CLSTN2: variants seen among roughly 807,000 people sequenced by gnomAD.
The protein encoded by CLSTN2 is calsyntenin-2.
Under a neutral mutation model 101.2 loss-of-function variants are expected in CLSTN2, and 48 were observed. The ratio of observed to expected loss-of-function variants is 0.47; its 90% CI spans 0.38 to 0.60. The LOEUF (loss-of-function observed/expected upper bound fraction) is 0.60, where lower values mean the gene tolerates loss of function less well. CLSTN2 is among the 20% of genes least tolerant of loss of function. The pLI is 0.00. For missense variants in CLSTN2, 1,160 were observed against 1,238.2 expected (o/e 0.94, Z 0.95); for synonymous variants, 481 against 463.6 (o/e 1.04, Z -0.48).
chr3:140,173,069 CCA>C (rs1442892062), intron 1 of CLSTN2, among the ~76,000 whole-genome samples: 1 of 152,172 alleles, frequency 6.6e-6, no homozygotes, highest in Non-Finnish European at 1.5e-5. Flanking sequence ...AATCAAAAGT[CCA>C]CAGTCTAAAG....
intron 1 of CLSTN2, among the ~76,000 whole-genome samples, chr3:140,076,241 A>G (rs1020329762): frequency 3.3e-5 from 5 of 151,968 alleles, no homozygotes; most frequent in African/African-American, 1.2e-4. Flanking sequence ...CAGGATTTTC[A>G]CCTTTTTAAA....
intron 1 of CLSTN2, among the ~76,000 whole-genome samples, chr3:140,123,803 C>CATATAT (rs150523094): frequency 6.9e-5 from 10 of 145,024 alleles, no homozygotes; most frequent in African/African-American, 2.3e-4. Context: ...GAGATGGAGA[C>CATATAT]ATATATATAT....
At chr3:140,349,019 G>T (rs966826482) in intron 2 of CLSTN2, among the ~76,000 whole-genome samples, 8 of 152,200 alleles carry the variant, frequency 5.3e-5, no homozygotes, top group East Asian at 1.9e-4. Context: ...CCCACATGTT[G>T]CAAGAAAAAT....
intron 2 of CLSTN2, among the ~76,000 whole-genome samples, chr3:140,182,796 C>A (rs1231506108): frequency 6.6e-6 from 1 of 152,176 alleles, no homozygotes; most frequent in Non-Finnish European, 1.5e-5. Flanking sequence ...TGCCCCAGTT[C>A]TGTCCATGGC....
intron 1 of CLSTN2, among the ~76,000 whole-genome samples, chr3:140,037,437 G>C (rs2007675446): frequency 6.6e-6 from 1 of 151,882 alleles, no homozygotes; most frequent in African/African-American, 2.4e-5. Context: ...TGGAGATTAA[G>C]CACAAACTAG....
chr3:140,328,988 G>A (rs2087356597), intron 2 of CLSTN2, among the ~76,000 whole-genome samples: 1 of 152,138 alleles, frequency 6.6e-6, no homozygotes, highest in African/African-American at 2.4e-5. Flanking sequence ...TGTAGTCTTG[G>A]TTTCTCTATC....
At chr3:140,052,609 C>G (rs893104856) in intron 1 of CLSTN2, among the ~76,000 whole-genome samples, 1 of 152,162 alleles carries the variant, frequency 6.6e-6, no homozygotes, top group Non-Finnish European at 1.5e-5. Flanking sequence ...TTATTTGTAA[C>G]CAGCTGTGTC....
chr3:140,523,128 C>T (rs899920931), intron 8 of CLSTN2, among the ~76,000 whole-genome samples: 1 of 151,776 alleles, frequency 6.6e-6, no homozygotes, highest in African/African-American at 2.4e-5. Context: ...GGACTTGATG[C>T]CCATGCACAG....
intron 2 of CLSTN2, among the ~76,000 whole-genome samples, chr3:140,241,806 TATACACATATATATATATACAC>T (rs1456585958): frequency 1.4e-5 from 2 of 146,552 alleles, no homozygotes; most frequent in East Asian, 2.0e-4. Context: ...TATATATATA[TATACACATATATATATATACAC>T]ACACATATAT....
chr3:140,404,613 G>A lies in CLSTN2; in HGVS notation c.484G>A (p.Glu162Lys). The change falls in exon 4 of 17, where the codon GAG becomes AAG. Residue 162 changes from glutamate to lysine, a missense_variant. Coordinates refer to ENST00000458420, the MANE Select transcript of CLSTN2 (RefSeq NM_022131.3). The part of the protein sequence containing the change: ...DVNEFAPTFK[E>K]PAYKAVVTEG... The stretch of plus-strand genomic sequence containing the variant: ...CAACGAGTTTGCTCCCACCTTCAAA[G>A]AGCCAGCCTACAAGGCTGTTGTGAC... 6.2e-7 allele frequency: 1 copy of A among 1,614,208 alleles called. No homozygotes were observed.
chr3:140,184,075 T>A (rs2010450676), intron 2 of CLSTN2, among the ~76,000 whole-genome samples: 1 of 152,148 alleles, frequency 6.6e-6, no homozygotes, highest in Non-Finnish European at 1.5e-5. Context: ...TGTTTATGTC[T>A]CCACCGGCTG....
chr3:140,155,842 G>T (rs938697636), intron 1 of CLSTN2, among the ~76,000 whole-genome samples: 1 of 152,204 alleles, frequency 6.6e-6, no homozygotes, highest in African/African-American at 2.4e-5. Flanking sequence ...AGACAGTCAT[G>T]ACAATTCAGT....
intron 5 of CLSTN2, among the ~76,000 whole-genome samples, chr3:140,423,816 T>C (rs2107992979): frequency 6.6e-6 from 1 of 152,276 alleles, no homozygotes; most frequent in Admixed American, 6.5e-5. Context: ...TTTTCCCCTC[T>C]CTCCCTTACG....
chr3:140,557,125 A>T (rs1935813813), intron 11 of CLSTN2: 1 of 154,406 alleles, frequency 6.5e-6, no homozygotes, highest in Non-Finnish European at 1.4e-5. Flanking sequence ...GTTTCCAAGG[A>T]TCAGAATTAA....
intron 2 of CLSTN2, among the ~76,000 whole-genome samples, chr3:140,190,077 A>T (rs980677779): frequency 9.9e-5 from 15 of 152,178 alleles, no homozygotes; most frequent in Admixed American, 3.9e-4. Context: ...GGCCTGTTTT[A>T]TAAGGGACCT....
chr3:140,226,885 G>C (rs982304696), intron 2 of CLSTN2, among the ~76,000 whole-genome samples: 3 of 152,136 alleles, frequency 2.0e-5, no homozygotes, highest in Non-Finnish European at 4.4e-5. Flanking sequence ...GATTTTGTGA[G>C]ACTCTTTCAC....
intron 9 of CLSTN2, among the ~76,000 whole-genome samples, chr3:140,534,769 A>G (rs1935328609): frequency 6.6e-6 from 1 of 152,206 alleles, no homozygotes; most frequent in Non-Finnish European, 1.5e-5. Context: ...AGGGCAAGAA[A>G]GTGAAATCTA....
chr3:140,021,649 G>T (rs999803039), intron 1 of CLSTN2, among the ~76,000 whole-genome samples: 1 of 152,064 alleles, frequency 6.6e-6, no homozygotes, highest in African/African-American at 2.4e-5. Flanking sequence ...GACCACTCTG[G>T]GATGATGAGG....
At chr3:139,957,287 C>T (rs577572023) in intron 1 of CLSTN2, among the ~76,000 whole-genome samples, 1 of 152,130 alleles carries the variant, frequency 6.6e-6, no homozygotes, top group Non-Finnish European at 1.5e-5. Flanking sequence ...GCACCACTTA[C>T]TCTCCCAGCA....
Sources: allele counts gnomAD v4.1 joint callset (sites outside exome capture counted in the v4.1 genomes callset), GRCh38; gene constraint gnomAD v4.1.1; transcripts MANE v1.5; gene names NCBI Gene and HGNC (gene_info 2026-07-23, HGNC 2026-07-21).